Variants in DLG2 observed in about 807,000 individuals in gnomAD.
DLG2 encodes the protein discs large MAGUK scaffold protein 2.
DLG2 carries 45 observed loss-of-function variants against 132.5 expected under a neutral mutation model. The observed-to-expected ratio is 0.34, with a 90% CI of 0.27 to 0.44. The LOEUF is 0.44. Ranked by LOEUF, DLG2 falls within the 20% of genes least tolerant of loss-of-function variation. The pLI is 1.00. For synonymous variants in DLG2, 424 were observed against 419.6 expected (o/e 1.01, Z -0.13); for missense variants, 1,045 against 1,196.9 (o/e 0.87, Z 1.87).
intron 6 of DLG2, among the ~76,000 whole-genome samples, chr11:84,674,412 T>C (rs1258963895): frequency 6.6e-6 from 1 of 152,102 alleles, no homozygotes; most frequent in Non-Finnish European, 1.5e-5. Flanking sequence ...TTATTGAGCC[T>C]TACTAAGTAA....
At chr11:84,585,916 C>G (rs2099528581) in intron 6 of DLG2, among the ~76,000 whole-genome samples, 1 of 152,204 alleles carries the variant, frequency 6.6e-6, no homozygotes, top group Non-Finnish European at 1.5e-5. Context: ...CTTTGGGAGG[C>G]TGAGGTGGGT....
intron 6 of DLG2, among the ~76,000 whole-genome samples, chr11:84,791,940 T>C (rs2073908947): frequency 6.6e-6 from 1 of 152,308 alleles, no homozygotes; most frequent in East Asian, 1.9e-4. Context: ...TATTGTCTGA[T>C]TGCTGTAGCT....
At position 83,459,548 on chromosome 11, in the gene DLG2, G is replaced by C. The variant is rs1017133051; in HGVS notation, c.*270C>G. 2 of 275,626 alleles carry C rather than the reference G, an allele frequency of 7.3e-6. No individual in the cohort carries two copies. Among genetic ancestry groups the C allele is most frequent in the Admixed American group, 9.4e-5 (2 of 21,186 alleles). The allele number at this position is 275,626 out of a possible 1,614,324, so 17.1% of individuals were successfully genotyped here. ...GAGGAGGCTCTCATCTCATCTCTTG[G>C]GCAGAAAGCCCGTCAGAGGTTCATC... On this transcript the variant is annotated 3_prime_UTR_variant, in exon 28 of 28. Coordinates refer to ENST00000376104, the MANE Select transcript of DLG2 (RefSeq NM_001142699.3).
chr11:85,124,204 C>T (rs2074785683), intron 5 of DLG2, among the ~76,000 whole-genome samples: 2 of 152,202 alleles, frequency 1.3e-5, no homozygotes, highest in Admixed American at 1.3e-4. Flanking sequence ...ATGTTCTTTG[C>T]CAAGACCTTC....
intron 8 of DLG2, among the ~76,000 whole-genome samples, chr11:84,214,323 A>T (rs1310920850): frequency 6.7e-6 from 1 of 148,814 alleles, no homozygotes; most frequent in Non-Finnish European, 1.5e-5. Context: ...ACATGTTTAT[A>T]TATGTTTTTA....
At chr11:84,629,183 CTGAGCTTTA>C (rs2099627676) in intron 6 of DLG2, among the ~76,000 whole-genome samples, 1 of 152,168 alleles carries the variant, frequency 6.6e-6, no homozygotes, top group Admixed American at 6.5e-5. Context: ...TTAGGATTTT[CTGAGCTTTA>C]TAAACAAATT....
At chr11:84,543,632 A>AC (rs2099383741) in intron 6 of DLG2, among the ~76,000 whole-genome samples, 1 of 152,148 alleles carries the variant, frequency 6.6e-6, no homozygotes, top group African/African-American at 2.4e-5. Flanking sequence ...TGAATAAGTA[A>AC]GTACTTTGCA....
chr11:84,356,714 A>G (rs1446499687), intron 7 of DLG2, among the ~76,000 whole-genome samples: 1 of 152,126 alleles, frequency 6.6e-6, no homozygotes, highest in East Asian at 1.9e-4. Context: ...ATTATTATCA[A>G]TAACTTCTAC....
At chr11:85,363,095 G>A (rs550470348) in intron 3 of DLG2, among the ~76,000 whole-genome samples, 3 of 152,320 alleles carry the variant, frequency 2.0e-5, no homozygotes, top group Non-Finnish European at 2.9e-5. Flanking sequence ...GATTTCTGGA[G>A]CAGTGGGGTT....
intron 16 of DLG2, among the ~76,000 whole-genome samples, chr11:83,861,872 T>C (rs1294635858): frequency 6.6e-6 from 1 of 151,910 alleles, no homozygotes; most frequent in Non-Finnish European, 1.5e-5. Flanking sequence ...ACTCAAAGAG[T>C]ATAATTGCAT....
intron 15 of DLG2, among the ~76,000 whole-genome samples, chr11:83,884,463 C>T (rs2067222649): frequency 6.6e-6 from 1 of 152,204 alleles, no homozygotes. Flanking sequence ...GGGTAGAGCC[C>T]ACCACAGCTC....
intron 19 of DLG2, among the ~76,000 whole-genome samples, chr11:83,612,486 C>G (rs921455674): frequency 6.6e-6 from 1 of 152,154 alleles, no homozygotes; most frequent in Non-Finnish European, 1.5e-5. Context: ...AGATAAGTGA[C>G]TTGTGCAAGA....
intron 3 of DLG2, among the ~76,000 whole-genome samples, chr11:85,302,431 T>A (rs758650556): frequency 2.0e-5 from 3 of 152,318 alleles, no homozygotes; most frequent in African/African-American, 7.2e-5. Context: ...CATCATCTTT[T>A]AGGAAGTGTC....
At chr11:85,010,670 G>C (rs893243991) in intron 6 of DLG2, among the ~76,000 whole-genome samples, 1 of 152,120 alleles carries the variant, frequency 6.6e-6, no homozygotes, top group African/African-American at 2.4e-5. Flanking sequence ...ATTGACTCAA[G>C]TGGATGCTCC....
At chr11:84,021,532 G>T (rs2095394161) in intron 11 of DLG2, among the ~76,000 whole-genome samples, 1 of 151,988 alleles carries the variant, frequency 6.6e-6, no homozygotes, top group Non-Finnish European at 1.5e-5. Flanking sequence ...CTAATAATAG[G>T]ATACTCCTCT....
At chr11:83,947,243 T>C (rs1298822986) in intron 14 of DLG2, among the ~76,000 whole-genome samples, 1 of 152,246 alleles carries the variant, frequency 6.6e-6, no homozygotes, top group African/African-American at 2.4e-5. Flanking sequence ...TCTAGATTTT[T>C]TTTTTAAGTT....
intron 7 of DLG2, among the ~76,000 whole-genome samples, chr11:84,470,355 T>A (rs2099105418): frequency 6.6e-6 from 1 of 151,814 alleles, no homozygotes; most frequent in Non-Finnish European, 1.5e-5. Flanking sequence ...ATTTACCAGA[T>A]GTTCATAAGA....
intron 4 of DLG2, among the ~76,000 whole-genome samples, chr11:85,186,677 T>C (rs2080124390): frequency 6.6e-6 from 1 of 152,126 alleles, no homozygotes; most frequent in South Asian, 2.1e-4. Flanking sequence ...ATTCCAGGAT[T>C]ACTGTCACAT....
chr11:85,376,433 T>C (rs1229482520), intron 3 of DLG2, among the ~76,000 whole-genome samples: 1 of 152,208 alleles, frequency 6.6e-6, no homozygotes, highest in African/African-American at 2.4e-5. Flanking sequence ...GTCTTACAAC[T>C]GGTAAATGTC....
Sources: gnomAD v4.1 joint callset for allele counts (sites outside exome capture counted in the v4.1 genomes callset) on GRCh38, gnomAD v4.1.1 for gene constraint, MANE v1.5 for transcripts, NCBI Gene and HGNC (gene_info 2026-07-23, HGNC 2026-07-21) for gene names.